The following RP1L1 variants were observed in gnomAD, a reference collection of about 807,000 sequenced individuals.
RP1L1 encodes the protein retinitis pigmentosa 1-like 1 protein.
RP1L1 carries 27 observed loss-of-function variants against 15.7 expected under a neutral mutation model. The ratio of observed to expected loss-of-function variants is 1.72; its 90% CI spans 1.27 to 2.38. RP1L1 has a LOEUF of 2.38. Among genes scored for constraint, RP1L1 ranks in the 30% most tolerant of loss-of-function variants. The pLI is 0.00. For missense variants in RP1L1, 4,798 were observed against 3,075.9 expected, an observed-to-expected ratio of 1.56 and a Z score of -13.24; for synonymous variants, 1,813 against 1,276.7, an observed-to-expected ratio of 1.42 and a Z score of -8.96.
At position 10,612,257 on chromosome 8, in the gene RP1L1, C is replaced by T; in HGVS notation, c.1841G>A (p.Gly614Asp). ...AAVTREPLVL[G>D]LSCSWDSEGA... ...TTCCGAGTCCCAGGAGCAGGAAAGG[C>T]CCAGAACCAGAGGCTCCCTTGTCAC... The change falls in exon 4 of 4, where the codon GGC becomes GAC. Residue 614 changes from glycine (G) to aspartate (D), a missense_variant. Coordinates refer to ENST00000382483, the MANE Select transcript of RP1L1 (RefSeq NM_178857.6). 1.2e-6 allele frequency: 2 copies of T among 1,613,234 alleles called. No homozygotes were observed. The highest frequency in any genetic ancestry group is 1.7e-6 in the Non-Finnish European group (2 of 1,180,016).
chr8:10,612,225 A>G lies in RP1L1; in HGVS notation c.1873T>C (p.Ser625Pro), dbSNP rs1181375178. ...GAAGTGCAGGTGGAAGGGGTGGAAG[A>G]GGCTCCTTCCGAGTCCCAGGAGCAG... ...LSCSWDSEGA[S>P]STPSTCTSSQ... The change falls in exon 4 of 4, where the codon TCT becomes CCT. Residue 625 changes from serine (S) to proline (P), a missense_variant. Transcript: ENST00000382483. 2 of 1,613,186 alleles carry G rather than the reference A, an allele frequency of 1.2e-6. No individual in the cohort carries two copies. Among genetic ancestry groups the G allele is most frequent in the East Asian group, 2.2e-5 (1 of 44,876 alleles).
At chr8:10,636,383 A>G (rs1049023824) in intron 1 of RP1L1, among the ~76,000 whole-genome samples, 1 of 152,162 alleles carries the variant, frequency 6.6e-6, no homozygotes, top group African/African-American at 2.4e-5. Context: ...GGCAGCTGTG[A>G]AGCCTTGGAG....
chr8:10,607,620 C>G lies in RP1L1; in HGVS notation c.6478G>C (p.Glu2160Gln), dbSNP rs2117190182. Residue 2160 changes from glutamate to glutamine, a missense_variant, in exon 4 of 4, where the codon GAG (glutamate) becomes CAG (glutamine). Coordinates refer to ENST00000382483, the MANE Select transcript of RP1L1 (RefSeq NM_178857.6). ...AQDAEGEAQPESEGIEAQEAE... is the reference protein window; with the variant it reads ...AQDAEGEAQPQSEGIEAQEAE... ...TCCTGGGCCTCTATACCTTCTGACT[C>G]TGGCTGGGCCTCCCCTTCTGCATCC... 1 of 1,588,846 alleles carries G rather than the reference C, an allele frequency of 6.3e-7. No homozygotes were observed.
rs1487552912 is a variant in RP1L1 at position 10,611,516 on chromosome 8, G to A, written c.2582C>T (p.Pro861Leu). The A allele has an allele frequency of 6.3e-7, 1 of 1,580,284 alleles. No individual in the cohort carries two copies. Among genetic ancestry groups the A allele is most frequent in the Non-Finnish European group, 8.6e-7 (1 of 1,164,586 alleles). The change falls in exon 4 of 4, where the codon CCC (proline) becomes CTC (leucine). Residue 861 changes from proline (P) to leucine (L), a missense_variant. Coordinates refer to ENST00000382483, the MANE Select transcript of RP1L1 (RefSeq NM_178857.6). ...RYCPTPPRGR[P>L]CPQRRSSSCG... ...GCTGGAAGAGCGCCTCTGGGGGCAG[G>A]GCCGCCCCCTGGGCGGGGTGGGACA...
In RP1L1 at chr8:10,613,259, G is replaced by C. The variant is rs770408289; in HGVS notation, c.839C>G (p.Pro280Arg). 6.2e-7 allele frequency: 1 copy of C among 1,610,810 alleles called. No individual in the cohort carries two copies. Among genetic ancestry groups the C allele is most frequent in the Non-Finnish European group, 8.5e-7 (1 of 1,180,014 alleles). The change falls in exon 4 of 4, where the codon CCT becomes CGT. Residue 280 changes from proline to arginine, a missense_variant. By Grantham distance (103) the Pro-to-Arg change is moderately radical. Transcript: ENST00000382483. ...STPRLPERPG[P>R]SNPPVGPAPG... The stretch of plus-strand genomic sequence containing the variant: ...AGCAGGGCCCACCGGGGGGTTGCTA[G>C]GACCAGGCCTTTCTGGCAGCCGTGG...
At position 10,655,009 on chromosome 8, in the gene RP1L1, G is replaced by C. The variant is rs1192662385; in HGVS notation, c.-131C>G. 1.3e-5 allele frequency: 2 copies of C among 152,940 alleles called. No homozygotes were observed. Among genetic ancestry groups the C allele is most frequent in the African/African-American group, 4.8e-5 (2 of 41,482 alleles). The allele number at this position is 152,940 out of a possible 1,614,324, so 9.5% of individuals were successfully genotyped here. A position where few individuals can be genotyped will look rare whatever the true frequency, so the allele number is the denominator to read the frequency against. ...CGCCTCCTTCCCTGCCAGTGGCTCA[G>C]TCCCTCTGGGCAGCAGGGCTGGCCA... On this transcript the variant is annotated 5_prime_UTR_variant, in exon 1 of 4. Transcript: ENST00000382483.
intron 1 of RP1L1, among the ~76,000 whole-genome samples, chr8:10,653,168 G>T (rs1230887117): frequency 6.6e-6 from 1 of 152,152 alleles, no homozygotes; most frequent in Non-Finnish European, 1.5e-5. Flanking sequence ...TCTCTTGGAG[G>T]GAGTTCACAG....
chr8:10,643,001 C>T (rs1354895411), intron 1 of RP1L1, among the ~76,000 whole-genome samples: 2 of 152,096 alleles, frequency 1.3e-5, no homozygotes, highest in African/African-American at 4.8e-5. Flanking sequence ...GAATTATCTC[C>T]TTGAGGCCTC....
chr8:10,632,558 T>G (rs1798268308), intron 1 of RP1L1, among the ~76,000 whole-genome samples: 1 of 152,204 alleles, frequency 6.6e-6, no homozygotes, highest in Non-Finnish European at 1.5e-5. Flanking sequence ...CCTCTCATTC[T>G]CCTGCCAACT....
chr8:10,613,116 G>T lies in RP1L1; in HGVS notation c.982C>A (p.Arg328Ser), dbSNP rs374588944. Residue 328 changes from arginine (R) to serine (S), a missense_variant, in exon 4 of 4, where the codon CGC becomes AGC. Arg to Ser is a moderately radical substitution (Grantham distance 110). Transcript: ENST00000382483. ...GTGTCCTCGCCGACCAGGTGGAAGC[G>T]GACTTTCATCTCCACGGACAGGCTG... ...DGSLSVEMKV[R>S]FHLVGEDTLL... is the part of the protein sequence containing the mutation. 3 of 1,613,944 alleles carry T rather than the reference G, an allele frequency of 1.9e-6. No individual in the cohort carries two copies. The highest frequency in any genetic ancestry group is 2.5e-6 in the Non-Finnish European group (3 of 1,180,042).
rs532371445 is a variant in RP1L1, at chr8:10,609,862, C to T, written c.4236G>A (p.Glu1412=). The T allele has an allele frequency of 2.3e-5, 37 of 1,612,866 alleles. No individual in the cohort carries two copies. The South Asian group carries it at 3.7e-4, about 16-fold the overall frequency. Residue 1412 remains glutamate (E), a synonymous_variant, in exon 4 of 4, where the codon GAG becomes GAA. Coordinates refer to ENST00000382483, the MANE Select transcript of RP1L1 (RefSeq NM_178857.6). ...EGSVHGQELS[E]ASSPDGKGSQ... ...AGCCTTTCCCATCCGGAGAGCTGGC[C>T]TCTGACAATTCCTGCCCGTGGACGC...
In RP1L1 at chr8:10,648,977, G is replaced by GC. The variant is rs575457524; in HGVS notation, c.-20+5920dup. Among the ~76,000 whole-genome samples, 272 of 152,316 alleles carry GC rather than the reference G, an allele frequency of 1.8e-3. 3 individuals are homozygous for GC. In the Middle Eastern group the frequency reaches 0.02, roughly 11 times the overall value. Reference sequence around the variant, plus strand: ...GACATCCACTGCCCAGGCAGGAGGGGCCAGGGCAGTGAGGGTGTAGGCCCT... The same window carrying GC: ...GACATCCACTGCCCAGGCAGGAGGGGCCCAGGGCAGTGAGGGTGTAGGCCCT... On this transcript the variant is annotated intron_variant, in intron 1 of 3. Coordinates refer to ENST00000382483, the MANE Select transcript of RP1L1 (RefSeq NM_178857.6).
intron 2 of RP1L1, 50 bp from the exon 3 acceptor site, chr8:10,616,637 C>G: frequency 6.3e-7 from 1 of 1,575,818 alleles, no homozygotes; most frequent in South Asian, 1.1e-5. Context: ...AGAAACCCCT[C>G]TACCCTGAGG....
intron 1 of RP1L1, among the ~76,000 whole-genome samples, chr8:10,625,220 C>T (rs1320848135): frequency 4.6e-5 from 7 of 152,106 alleles, no homozygotes; most frequent in South Asian, 2.1e-4. Context: ...GCTGGGTGGG[C>T]GCCAGGCCGC....
chr8:10,624,704 TAG>T (rs1798129302), intron 1 of RP1L1, among the ~76,000 whole-genome samples: 1 of 152,176 alleles, frequency 6.6e-6, no homozygotes, highest in Non-Finnish European at 1.5e-5. Flanking sequence ...TCAGCTGCCA[TAG>T]AGTCAGGGTG....
chr8:10,610,501 A>C lies in RP1L1; in HGVS notation c.3597T>G (p.Ser1199=), dbSNP rs372082240. 8.7e-6 allele frequency: 14 copies of C among 1,613,660 alleles called. No individual in the cohort carries two copies. The highest frequency in any genetic ancestry group is 8.0e-5 in the African/African-American group (6 of 74,906). Residue 1199 remains serine, a synonymous_variant, in exon 4 of 4, where the codon TCT becomes TCG. Coordinates refer to ENST00000382483, the MANE Select transcript of RP1L1 (RefSeq NM_178857.6). The part of the protein sequence containing the change: ...MTENFTPTSS[S]GVDISSGSGG... ...CAGAGCCGCTGCTGATGTCCACACC[A>C]GAGGAGGATGTGGGCGTGAAGTTCT...
chr8:10,653,904 G>C (rs906961252), intron 1 of RP1L1, among the ~76,000 whole-genome samples: 5 of 152,174 alleles, frequency 3.3e-5, no homozygotes, highest in African/African-American at 1.2e-4. Context: ...AGGAGTCCTG[G>C]TGCCCTCCCG....
chr8:10,653,743 CCTGT>C (rs1798597610), intron 1 of RP1L1, among the ~76,000 whole-genome samples: 1 of 152,168 alleles, frequency 6.6e-6, no homozygotes, highest in Non-Finnish European at 1.5e-5. Context: ...GAGCAGCAGG[CCTGT>C]CTGAGGTCAC....
chr8:10,634,872 A>C (rs1465377895), intron 1 of RP1L1, among the ~76,000 whole-genome samples: 3 of 152,096 alleles, frequency 2.0e-5, no homozygotes, highest in East Asian at 1.9e-4. Flanking sequence ...CCTCTCCTCA[A>C]GGGACACCAA....
Sources: gnomAD v4.1 joint callset for allele counts (sites outside exome capture counted in the v4.1 genomes callset) on GRCh38, gnomAD v4.1.1 for gene constraint, MANE v1.5 for transcripts, NCBI Gene and HGNC (gene_info 2026-07-23, HGNC 2026-07-21) for gene names.